PLSCR2: variants seen among roughly 807,000 people sequenced by gnomAD.
The protein encoded by PLSCR2 is phospholipid scramblase 2, also known as PL scramblase 2.
A neutral mutation model predicts 25.3 loss-of-function variants in PLSCR2; 18 were observed. The ratio of observed to expected loss-of-function variants is 0.71; its 90% confidence interval spans 0.49 to 1.06. The LOEUF (loss-of-function observed/expected upper bound fraction) is 1.06, where lower values mean the gene tolerates loss of function less well. Ranked by LOEUF, PLSCR2 falls within the 50% of genes least tolerant of loss-of-function variation. The pLI is 0.00. For missense variants in PLSCR2, 243 were observed against 269.5 expected (o/e 0.90, Z 0.69); for synonymous variants, 88 against 87.3 (o/e 1.01, Z -0.04).
intron 2 of PLSCR2, among the ~76,000 whole-genome samples, chr3:146,408,739 A>C (rs1387427265): frequency 2.0e-5 from 3 of 151,812 alleles, no homozygotes; most frequent in Non-Finnish European, 4.4e-5. Context: ...TCTAAAAAAC[A>C]CTCCTGGTGA....
chr3:146,430,741 T>G (rs1338589209), downstream of PLSCR2, among the ~76,000 whole-genome samples: 1 of 151,924 alleles, frequency 6.6e-6, no homozygotes, highest in Non-Finnish European at 1.5e-5. Flanking sequence ...CAGTCTACAC[T>G]TTCACTTCCC....
chr3:146,481,823 CA>C (rs2043141000), intron 1 of PLSCR2, among the ~76,000 whole-genome samples: 2 of 152,178 alleles, frequency 1.3e-5, no homozygotes, highest in East Asian at 3.8e-4. Flanking sequence ...TACCTGACTT[CA>C]AATTATACTA....
chr3:146,465,572 CAAAA>C (rs11459539), intron 1 of PLSCR2, among the ~76,000 whole-genome samples: 1 of 125,546 alleles, frequency 8.0e-6, no homozygotes. Context: ...TCACCCTCCA[CAAAA>C]AAAAAAAAAA....
At chr3:146,451,246 C>T (rs1035239481) in intron 5 of PLSCR2, among the ~76,000 whole-genome samples, 3 of 151,148 alleles carry the variant, frequency 2.0e-5, no homozygotes, top group Non-Finnish European at 2.9e-5. Flanking sequence ...TCCCGAGTAG[C>T]TGGGATTACA....
At chr3:146,464,992 T>C (rs942311097), upstream of PLSCR2, among the ~76,000 whole-genome samples, 3 of 152,164 alleles carry the variant, frequency 2.0e-5, no homozygotes, top group African/African-American at 7.2e-5. Flanking sequence ...TAACTAATGC[T>C]AAAGTTCCAC....
chr3:146,452,022 G>A (rs1436785102), intron 5 of PLSCR2, among the ~76,000 whole-genome samples: 1 of 152,222 alleles, frequency 6.6e-6, no homozygotes, highest in Non-Finnish European at 1.5e-5. Flanking sequence ...AACCCATGGA[G>A]GAGGTTGTGT....
chr3:146,423,267 CTCTCTCTCTCTCTCT>C (rs2039217719), intron 2 of PLSCR2, among the ~76,000 whole-genome samples: 5 of 146,944 alleles, frequency 3.4e-5, no homozygotes, highest in African/African-American at 7.5e-5. Context: ...CTCTCTCTCT[CTCTCTCTCTCTCTCT>C]CCCTGGCTAG....
At chr3:146,474,734 C>T (rs926988593) in intron 1 of PLSCR2, among the ~76,000 whole-genome samples, 18 of 152,024 alleles carry the variant, frequency 1.2e-4, no homozygotes, top group Non-Finnish European at 2.1e-4. Flanking sequence ...AGTGTGTTTT[C>T]CAACTTCTTT....
At chr3:146,484,088 G>A (rs1016035514) in intron 1 of PLSCR2, among the ~76,000 whole-genome samples, 2 of 151,748 alleles carry the variant, frequency 1.3e-5, no homozygotes, top group Non-Finnish European at 2.9e-5. Flanking sequence ...GTTTAGAGAG[G>A]AAGATAAATG....
chr3:146,423,634 A>C (rs1179300831), intron 2 of PLSCR2, among the ~76,000 whole-genome samples: 1 of 152,072 alleles, frequency 6.6e-6, no homozygotes, highest in African/African-American at 2.4e-5. Context: ...ATTTTAGATA[A>C]TGCTAATCAG....
At chr3:146,454,189 G>C in intron 4 of PLSCR2, 26 bp from the exon 5 acceptor site, 1 of 1,468,248 alleles carries the variant, frequency 6.8e-7, no homozygotes, top group South Asian at 1.3e-5. Context: ...ATGTGTGAAC[G>C]TAATAAATCA....
intron 1 of PLSCR2, among the ~76,000 whole-genome samples, chr3:146,478,580 A>T (rs2043014398): frequency 6.6e-6 from 1 of 152,224 alleles, no homozygotes. Context: ...GCCTCCAAGA[A>T]ATATGGAGCT....
intron 2 of PLSCR2, among the ~76,000 whole-genome samples, chr3:146,396,487 T>C (rs1261964393): frequency 6.6e-6 from 1 of 152,136 alleles, no homozygotes; most frequent in Non-Finnish European, 1.5e-5. Context: ...GGTAGGGTGC[T>C]ATCATGTAGT....
intron 2 of PLSCR2, among the ~76,000 whole-genome samples, chr3:146,405,282 G>A (rs1391119027): frequency 6.6e-6 from 1 of 152,198 alleles, no homozygotes; most frequent in Non-Finnish European, 1.5e-5. Flanking sequence ...CAAAGTGATA[G>A]ACTCGGGGCT....
chr3:146,439,516 C>CGAAA (rs2040103980), downstream of PLSCR2, among the ~76,000 whole-genome samples: 1 of 152,160 alleles, frequency 6.6e-6, no homozygotes, highest in Non-Finnish European at 1.5e-5. Flanking sequence ...CTCTTCATTT[C>CGAAA]ATTCATTTGA....
intron 1 of PLSCR2, among the ~76,000 whole-genome samples, chr3:146,492,063 A>C (rs916330779): frequency 1.3e-5 from 2 of 152,084 alleles, no homozygotes; most frequent in African/African-American, 4.8e-5. Flanking sequence ...AGTTGGGTTT[A>C]GTCAACTGGC....
intron 1 of PLSCR2, among the ~76,000 whole-genome samples, chr3:146,491,707 G>A (rs1444148138): frequency 6.6e-6 from 1 of 151,948 alleles, no homozygotes; most frequent in Non-Finnish European, 1.5e-5. Flanking sequence ...AGCTATTTTG[G>A]TGCTTCCTTA....
intron 2 of PLSCR2, among the ~76,000 whole-genome samples, chr3:146,425,128 A>G (rs1675107238): frequency 2.0e-5 from 3 of 152,102 alleles, no homozygotes; most frequent in Admixed American, 2.0e-4. Flanking sequence ...GTGCTTAGTT[A>G]AGATAGAAAA....
At chr3:146,434,975 A>G (rs191841108) in intron 8 of PLSCR2, among the ~76,000 whole-genome samples, 1 of 135,340 alleles carries the variant, frequency 7.4e-6, no homozygotes. Flanking sequence ...CCTGTGTCCA[A>G]GTGTTCTCAT....
Sources: gnomAD v4.1 joint callset for allele counts (sites outside exome capture counted in the v4.1 genomes callset) on GRCh38, gnomAD v4.1.1 for gene constraint, MANE v1.5 for transcripts, NCBI Gene and HGNC (gene_info 2026-07-23, HGNC 2026-07-21) for gene names.